Variants in TCF12 observed in about 807,000 individuals in gnomAD.
TCF12 encodes the protein transcription factor 12.
A neutral mutation model predicts 86.0 loss-of-function variants in TCF12; 45 were observed. The ratio of observed to expected loss-of-function variants is 0.52; its 90% confidence interval spans 0.41 to 0.67. The LOEUF (loss-of-function observed/expected upper bound fraction) is 0.67, where lower values mean the gene tolerates loss of function less well. Ranked by LOEUF, TCF12 falls within the 30% of genes least tolerant of loss-of-function variation. The pLI is 0.00. For missense variants in TCF12, 881 were observed against 859.9 expected, an observed-to-expected ratio of 1.02 and a Z score of -0.31; for synonymous variants, 330 against 299.6, an observed-to-expected ratio of 1.10 and a Z score of -1.05.
At chr15:57,077,914 A>G (rs964996232) in intron 4 of TCF12, among the ~76,000 whole-genome samples, 3 of 152,186 alleles carry the variant, frequency 2.0e-5, no homozygotes, top group Admixed American at 6.5e-5. Context: ...ACTAGGTACC[A>G]GAAACTTAAA....
chr15:57,131,881 GTCT>G (rs1245382420), intron 5 of TCF12, among the ~76,000 whole-genome samples: 1 of 152,176 alleles, frequency 6.6e-6, no homozygotes, highest in Non-Finnish European at 1.5e-5. Flanking sequence ...TGGGTCTGAT[GTCT>G]TCTTCTAGTC....
chr15:57,127,988 T>C (rs1473073448), intron 5 of TCF12, among the ~76,000 whole-genome samples: 2 of 152,222 alleles, frequency 1.3e-5, no homozygotes, highest in African/African-American at 4.8e-5. Context: ...AATGTTCTTT[T>C]TTAAAAAGGG....
At chr15:56,930,118 CAGTG>C (rs1202116004) in intron 3 of TCF12, among the ~76,000 whole-genome samples, 1 of 152,168 alleles carries the variant, frequency 6.6e-6, no homozygotes, top group African/African-American at 2.4e-5. Context: ...CTACTCCAGT[CAGTG>C]AGTGAATGTG....
chr15:57,186,848 A>G (rs1195836457), intron 6 of TCF12, among the ~76,000 whole-genome samples: 8 of 152,160 alleles, frequency 5.3e-5, no homozygotes, highest in Non-Finnish European at 1.0e-4. Context: ...ATAGAAAGAA[A>G]GGGGAAAAAA....
At position 57,286,240 on chromosome 15, in the gene TCF12, C is replaced by G. The variant is rs2061929277; in HGVS notation, c.*95C>G. The G allele has an allele frequency of 5.0e-6, 1 of 199,282 alleles. No homozygotes were observed. Among genetic ancestry groups the G allele is most frequent in the Non-Finnish European group, 1.0e-5 (1 of 96,102 alleles). 12.3% of individuals were successfully genotyped at this position (199,282 alleles called of 1,614,324 possible). On this transcript the variant is annotated 3_prime_UTR_variant, in exon 21 of 21. Coordinates refer to ENST00000333725, the MANE Select transcript of TCF12 (RefSeq NM_207037.2). ...ACTCAGATTATCTGAAGACACAAAC[C>G]TGACAGGAGGGAGAAGAAAAAACAA...
intron 4 of TCF12, among the ~76,000 whole-genome samples, chr15:57,075,534 C>G (rs1359655633): frequency 6.6e-6 from 1 of 151,934 alleles, no homozygotes; most frequent in African/African-American, 2.4e-5. Flanking sequence ...GATTATTGTA[C>G]TGTAGAATGA....
rs151029473 is a variant in TCF12, at chr15:56,965,072, A to G, written c.148+43974A>G. ...TCAAGAATGACACTTAAGTGGTAGT[A>G]TTCTAGATGCTTAGGAGATGCCTAC... is the stretch of plus-strand genomic sequence containing the variant. On this transcript the variant is annotated intron_variant, in intron 3 of 20. Transcript: ENST00000333725. Among the ~76,000 whole-genome samples, 199 of 152,310 alleles carry G rather than the reference A, an allele frequency of 1.3e-3. 1 individual carries two copies. Among genetic ancestry groups the G allele is most frequent in the African/African-American group, 4.5e-3 (187 of 41,572 alleles).
chr15:57,061,769 A>T (rs1596341937), intron 3 of TCF12, among the ~76,000 whole-genome samples: 1 of 152,308 alleles, frequency 6.6e-6, no homozygotes, highest in Non-Finnish European at 1.5e-5. Flanking sequence ...GTGATTTTTT[A>T]AAATACAACT....
At chr15:57,165,539 AT>A (rs200604360) in intron 5 of TCF12, among the ~76,000 whole-genome samples, 2,697 of 144,494 alleles carry the variant, frequency 0.019, 45 homozygotes, top group African/African-American at 0.045. Context: ...TACTGTATTA[AT>A]TTTTTTTTTT....
At chr15:57,042,625 G>A (rs1179388812) in intron 3 of TCF12, among the ~76,000 whole-genome samples, 1 of 152,048 alleles carries the variant, frequency 6.6e-6, no homozygotes, top group Non-Finnish European at 1.5e-5. Flanking sequence ...TGTTGCCCAA[G>A]CTGGTCTCGA....
chr15:57,134,582 A>AT (rs1287446854), intron 5 of TCF12: 8 of 152,120 alleles, frequency 5.3e-5, no homozygotes, highest in South Asian at 2.1e-4. Flanking sequence ...AAATTGCCTT[A>AT]TTTTTTTAAT....
chr15:57,139,305 G>A (rs184519668), intron 5 of TCF12, among the ~76,000 whole-genome samples: 1 of 152,106 alleles, frequency 6.6e-6, no homozygotes, highest in African/African-American at 2.4e-5. Context: ...TCCGTTTTAT[G>A]GCTATTAATT....
At chr15:57,230,664 TGATA>T (rs2059093653) in intron 8 of TCF12, among the ~76,000 whole-genome samples, 1 of 152,232 alleles carries the variant, frequency 6.6e-6, no homozygotes, top group East Asian at 1.9e-4. Flanking sequence ...GTTGTGCCTT[TGATA>T]GTTACCCCTT....
intron 16 of TCF12, among the ~76,000 whole-genome samples, chr15:57,255,143 T>A (rs1334703231): frequency 2.0e-5 from 3 of 152,234 alleles, no homozygotes; most frequent in African/African-American, 7.2e-5. Flanking sequence ...ACTAGCTTAC[T>A]GCTCCTATTC....
chr15:57,188,541 G>T (rs937068976), intron 6 of TCF12, among the ~76,000 whole-genome samples: 32 of 152,250 alleles, frequency 2.1e-4, no homozygotes, highest in African/African-American at 7.5e-4. Flanking sequence ...CAGTGTTGGA[G>T]TAGTTACCCT....
At chr15:57,074,767 A>G (rs1298518821) in intron 4 of TCF12, among the ~76,000 whole-genome samples, 1 of 152,236 alleles carries the variant, frequency 6.6e-6, no homozygotes, top group Non-Finnish European at 1.5e-5. Flanking sequence ...GTAAATTTAT[A>G]CAAATCTATA....
intron 8 of TCF12, among the ~76,000 whole-genome samples, chr15:57,206,400 A>ACTTTATTTATGAAAATAAATAAAG (rs1460939660): frequency 2.6e-4 from 39 of 152,138 alleles, no homozygotes; most frequent in South Asian, 8.3e-4. Context: ...ACTTTATAAA[A>ACTTTATTTATGAAAATAAATAAAG]CTTTATTTAT....
chr15:57,198,030 T>G (rs1346589270), intron 8 of TCF12, among the ~76,000 whole-genome samples: 17 of 152,240 alleles, frequency 1.1e-4, no homozygotes, highest in African/African-American at 3.9e-4. Flanking sequence ...TGTAGCTTAC[T>G]CATATGCTCT....
chr15:56,923,619 T>C (rs1477600733), intron 3 of TCF12, among the ~76,000 whole-genome samples: 2 of 152,108 alleles, frequency 1.3e-5, no homozygotes, highest in African/African-American at 4.8e-5. Flanking sequence ...AGAAGGAAAG[T>C]TGGTTAAAAG....
Sources: gnomAD v4.1 joint callset for allele counts (sites outside exome capture counted in the v4.1 genomes callset) on GRCh38, gnomAD v4.1.1 for gene constraint, MANE v1.5 for transcripts, NCBI Gene and HGNC (gene_info 2026-07-23, HGNC 2026-07-21) for gene names.